RYR3: variants seen among roughly 807,000 people sequenced by gnomAD.
RYR3 encodes the protein brain ryanodine receptor-calcium release channel.
A neutral mutation model predicts 584.3 loss-of-function variants in RYR3; 207 were observed. The ratio of observed to expected loss-of-function variants is 0.35; its 90% CI spans 0.32 to 0.40. The LOEUF is 0.40. RYR3 is among the 10% of genes least tolerant of loss of function. The pLI, the probability that RYR3 is intolerant of heterozygous loss-of-function variation, is 1.00. For synonymous variants in RYR3, 2,416 were observed against 2,248.5 expected (o/e 1.07, Z -2.11); for missense variants, 5,616 against 6,089.2 (o/e 0.92, Z 2.59).
At chr15:33,370,217 C>CA (rs992614437) in intron 1 of RYR3, among the ~76,000 whole-genome samples, 2 of 151,996 alleles carry the variant, frequency 1.3e-5, no homozygotes, top group East Asian at 1.9e-4. Context: ...AGATGCTTTC[C>CA]AAAAAAGGCT....
chr15:33,557,797 G>GATC (rs1262491613), intron 10 of RYR3, among the ~76,000 whole-genome samples: 1 of 152,166 alleles, frequency 6.6e-6, no homozygotes, highest in Non-Finnish European at 1.5e-5. Flanking sequence ...GTAGCAATTT[G>GATC]ATCATCTCAG....
intron 69 of RYR3, chr15:33,802,207 T>A: frequency 1.7e-6 from 1 of 605,074 alleles, no homozygotes; most frequent in Non-Finnish European, 3.1e-6. Flanking sequence ...AAGACTTGCC[T>A]AAGGCATTTG....
At chr15:33,439,870 CAT>C (rs1485448658) in intron 1 of RYR3, among the ~76,000 whole-genome samples, 1 of 152,126 alleles carries the variant, frequency 6.6e-6, no homozygotes, top group Non-Finnish European at 1.5e-5. Context: ...CATTCATTAA[CAT>C]ATGGGCTTGT....
intron 1 of RYR3, among the ~76,000 whole-genome samples, chr15:33,404,015 G>T (rs371419505): frequency 6.6e-6 from 1 of 152,120 alleles, no homozygotes; most frequent in Non-Finnish European, 1.5e-5. Context: ...TTTTGTATGG[G>T]TACATCTTGC....
chr15:33,663,351 CTGTCTTTAGTGAGCTGTTTTCTGT>C (rs2063279518), intron 35 of RYR3, among the ~76,000 whole-genome samples, 162 bp from the exon 36 acceptor site: 1 of 152,166 alleles, frequency 6.6e-6, no homozygotes, highest in Non-Finnish European at 1.5e-5. Context: ...CAGATTTCTT[CTGTCTTTAGTGAGCTGTTTTCTGT>C]TATTGCCTTC....
At chr15:33,446,281 C>A (rs1283112697) in intron 1 of RYR3, among the ~76,000 whole-genome samples, 1 of 152,204 alleles carries the variant, frequency 6.6e-6, no homozygotes, top group African/African-American at 2.4e-5. Context: ...GACAACTGAG[C>A]TCTTCCCTCT....
intron 62 of RYR3, among the ~76,000 whole-genome samples, chr15:33,770,636 G>A (rs2073492520): frequency 6.6e-6 from 1 of 152,086 alleles, no homozygotes; most frequent in African/African-American, 2.4e-5. Context: ...TGTGATCCCA[G>A]CTACTCGGGA....
chr15:33,561,025 C>T (rs993766480), intron 10 of RYR3, among the ~76,000 whole-genome samples: 2 of 151,952 alleles, frequency 1.3e-5, no homozygotes, highest in African/African-American at 2.4e-5. Flanking sequence ...AAATGCTGTG[C>T]GAAATAATTT....
At chr15:33,712,340 GTGA>G (rs2067182467) in intron 43 of RYR3, among the ~76,000 whole-genome samples, 1 of 152,168 alleles carries the variant, frequency 6.6e-6, no homozygotes, top group Non-Finnish European at 1.5e-5. Flanking sequence ...GGACTGAATG[GTGA>G]TGATGATGGC....
intron 1 of RYR3, among the ~76,000 whole-genome samples, chr15:33,326,205 G>A (rs1514032): frequency 0.49 from 74,314 of 151,892 alleles, 19,429 homozygotes; most frequent in African/African-American, 0.68. Flanking sequence ...GAACCATAGG[G>A]CATTATAGAT....
intron 67 of RYR3, 124 bp downstream of exon 67, chr15:33,788,582 C>T (rs2074889229): frequency 1.9e-6 from 2 of 1,063,452 alleles, no homozygotes; most frequent in South Asian, 1.7e-5. Flanking sequence ...GCCGCCCCCA[C>T]CATTCTCCTT....
chr15:33,585,792 A>G (rs2058817326), intron 15 of RYR3, among the ~76,000 whole-genome samples: 1 of 152,198 alleles, frequency 6.6e-6, no homozygotes. Context: ...AATCACCAGT[A>G]AATTACAGAC....
At chr15:33,759,034 C>T (rs979968714) in intron 60 of RYR3, among the ~76,000 whole-genome samples, 2 of 152,208 alleles carry the variant, frequency 1.3e-5, no homozygotes, top group East Asian at 3.8e-4. Flanking sequence ...CAAACTCCAG[C>T]AGACCTGCAG....
rs368137565 is a variant in RYR3, at chr15:33,660,452, C to G, written c.4622+29C>G. The stretch of plus-strand genomic sequence containing the variant: ...CCAGAGGGGCCCGCGAAGGAAGGGG[C>G]AGGCCTGAGGGGCAGGTGAGGCAGA... On this transcript the variant is annotated intron_variant, in intron 34 of 103. Transcript: ENST00000634891. The G allele has an allele frequency of 1.6e-5, 24 of 1,482,230 alleles. No individual in the cohort carries two copies. The East Asian group carries it at 3.7e-4, about 23-fold the overall frequency. 91.8% of individuals were successfully genotyped at this position (1,482,230 alleles called of 1,614,324 possible). A position where few individuals can be genotyped will look rare whatever the true frequency, so the allele number is the denominator to read the frequency against.
chr15:33,692,619 CT>C lies in RYR3; in HGVS notation c.5861-3582del, dbSNP rs3085218. On this transcript the variant is annotated intron_variant, in intron 38 of 103. Coordinates refer to ENST00000634891, the MANE Select transcript of RYR3 (RefSeq NM_001036.6). The stretch of plus-strand genomic sequence containing the variant: ...CTTTTCTGGCAGGACCTGGGGACTA[CT>C]TTTTTTTTTTTTTTTTAACTGTACT... Among the ~76,000 whole-genome samples, 1,226 of 140,228 alleles carry C rather than the reference CT, an allele frequency of 8.7e-3. 12 individuals carry two copies. Among genetic ancestry groups the C allele is most frequent in the African/African-American group, 0.025 (934 of 37,952 alleles). The allele number at this position is 140,228 out of a possible 152,430, so 92.0% of individuals were successfully genotyped here.
At chr15:33,667,388 G>T (rs750507877) in intron 36 of RYR3, among the ~76,000 whole-genome samples, 50 of 152,196 alleles carry the variant, frequency 3.3e-4, no homozygotes, top group Non-Finnish European at 1.6e-4. Flanking sequence ...ACTGATCTCT[G>T]ATAGCATTTC....
At chr15:33,378,054 C>T (rs59498253) in intron 1 of RYR3, among the ~76,000 whole-genome samples, 24,286 of 152,194 alleles carry the variant, frequency 0.16, 2,241 homozygotes, top group African/African-American at 0.25. Flanking sequence ...AGTGCTAGGA[C>T]TACAGGTGCA....
intron 38 of RYR3, among the ~76,000 whole-genome samples, chr15:33,693,151 G>A (rs192992253): frequency 3.3e-5 from 5 of 152,328 alleles, no homozygotes; most frequent in Admixed American, 2.6e-4. Context: ...CTTAAATTGG[G>A]TCCAAGAGTC....
chr15:33,541,671 C>T (rs567326650), intron 7 of RYR3, among the ~76,000 whole-genome samples: 18 of 152,096 alleles, frequency 1.2e-4, no homozygotes, highest in Non-Finnish European at 2.1e-4. Flanking sequence ...CTGGGAATGC[C>T]GGTCTATTCT....
Sources: gnomAD v4.1 joint callset for allele counts (sites outside exome capture counted in the v4.1 genomes callset) on GRCh38, gnomAD v4.1.1 for gene constraint, MANE v1.5 for transcripts, NCBI Gene and HGNC (gene_info 2026-07-23, HGNC 2026-07-21) for gene names.